PLXNA4: variants seen among roughly 807,000 people sequenced by gnomAD.
PLXNA4 encodes the protein plexin A4, also known as plexin-A4.
In PLXNA4, 44 loss-of-function variants were observed where a neutral mutation model predicts 191.8. The ratio of observed to expected loss-of-function variants is 0.23; its 90% CI spans 0.18 to 0.29. The LOEUF (loss-of-function observed/expected upper bound fraction) is 0.29, where lower values mean the gene tolerates loss of function less well. Among genes scored for constraint, PLXNA4 ranks in the 10% least tolerant of loss-of-function variants. The pLI, the probability that PLXNA4 is intolerant of heterozygous loss-of-function variation, is 1.00. For missense variants in PLXNA4, 1,800 were observed against 2,488.8 expected, an observed-to-expected ratio of 0.72 and a Z score of 5.89; for synonymous variants, 1,082 against 1,009.5, an observed-to-expected ratio of 1.07 and a Z score of -1.36.
intron 1 of PLXNA4, among the ~76,000 whole-genome samples, chr7:132,552,691 T>C (rs4731880): frequency 0.96 from 146,107 of 152,320 alleles, 70,285 homozygotes; most frequent in East Asian, 1. Flanking sequence ...TACTCCATTT[T>C]CTTCATCTGG....
At chr7:132,321,100 C>T (rs1802145255) in intron 3 of PLXNA4, among the ~76,000 whole-genome samples, 1 of 152,176 alleles carries the variant, frequency 6.6e-6, no homozygotes, top group African/African-American at 2.4e-5. Flanking sequence ...AGCTTCCCAG[C>T]ACTGTTTTTC....
chr7:132,525,997 G>A (rs977898577), intron 1 of PLXNA4, among the ~76,000 whole-genome samples: 1 of 152,198 alleles, frequency 6.6e-6, no homozygotes, highest in African/African-American at 2.4e-5. Context: ...ACTGTTCCAT[G>A]GTACACACCT....
intron 2 of PLXNA4, among the ~76,000 whole-genome samples, chr7:132,631,730 C>T (rs1012240275): frequency 1.3e-5 from 2 of 152,192 alleles, no homozygotes; most frequent in African/African-American, 4.8e-5. Context: ...CCTCACCCAC[C>T]TCTCCTCATT....
intron 9 of PLXNA4, among the ~76,000 whole-genome samples, chr7:132,222,783 T>G (rs540071032): frequency 6.6e-6 from 1 of 152,324 alleles, no homozygotes; most frequent in Admixed American, 6.5e-5. Context: ...GTATTTTTGG[T>G]ACAGTGAGGA....
At chr7:132,594,976 A>AG (rs1554475616) in intron 2 of PLXNA4, among the ~76,000 whole-genome samples, 18 of 109,584 alleles carry the variant, frequency 1.6e-4, no homozygotes, top group Admixed American at 1.9e-4. Context: ...ATTGATAGAT[A>AG]ATAGATAGAT....
At chr7:132,562,415 T>C in intron 1 of PLXNA4, among the ~76,000 whole-genome samples, 1 of 128,454 alleles carries the variant, frequency 7.8e-6, no homozygotes, top group Admixed American at 7.5e-5. Context: ...CTCCTTCTCC[T>C]CCTTCTCCTA....
chr7:132,232,315 G>T (rs1798551849), intron 5 of PLXNA4, among the ~76,000 whole-genome samples: 1 of 152,144 alleles, frequency 6.6e-6, no homozygotes, highest in South Asian at 2.1e-4. Flanking sequence ...CCATTTCCCA[G>T]GTAGGAAAAC....
chr7:132,204,417 C>T lies in PLXNA4; in HGVS notation c.2299-998G>A, dbSNP rs185833231. Among the ~76,000 whole-genome samples the T allele has an allele frequency of 2.0e-4, 30 of 152,306 alleles. 1 individual carries two copies. Among genetic ancestry groups the T allele is most frequent in the East Asian group, 7.7e-4 (4 of 5,184 alleles). On this transcript the variant is annotated intron_variant, in intron 10 of 31. Coordinates refer to ENST00000321063, the MANE Select transcript of PLXNA4 (RefSeq NM_020911.2). ...TCTCATTATTCCAGCCGACTCTGCT[C>T]GCCACAAGGGGCAGGATGGAAGAAT...
intron 6 of PLXNA4, 151 bp downstream of exon 6, chr7:132,228,195 T>A: frequency 1.0e-6 from 1 of 993,846 alleles, no homozygotes; most frequent in South Asian, 1.7e-5. Context: ...AGACACTTAA[T>A]TCTTTGATAT....
chr7:132,560,748 C>T (rs1450677870), intron 1 of PLXNA4, among the ~76,000 whole-genome samples: 2 of 152,134 alleles, frequency 1.3e-5, no homozygotes, highest in Admixed American at 1.3e-4. Flanking sequence ...GGCATCATCT[C>T]CCACCAGCTG....
chr7:132,514,262 A>G (rs1215583913), intron 1 of PLXNA4, among the ~76,000 whole-genome samples: 1 of 150,982 alleles, frequency 6.6e-6, no homozygotes, highest in South Asian at 2.1e-4. Context: ...CATGTTAGCC[A>G]GGATGGTCTC....
intron 2 of PLXNA4, among the ~76,000 whole-genome samples, chr7:132,502,600 C>A (rs1464075966): frequency 3.3e-5 from 5 of 152,204 alleles, no homozygotes; most frequent in Non-Finnish European, 5.9e-5. Flanking sequence ...GCACCAAGAA[C>A]TGCCCACCCC....
chr7:132,521,038 A>G (rs1019221906), intron 1 of PLXNA4, among the ~76,000 whole-genome samples: 1 of 152,158 alleles, frequency 6.6e-6, no homozygotes, highest in African/African-American at 2.4e-5. Flanking sequence ...TTGCTGGTCT[A>G]TATTCATGTA....
intron 2 of PLXNA4, among the ~76,000 whole-genome samples, chr7:132,609,897 A>G (rs1415352752): frequency 6.6e-6 from 1 of 152,180 alleles, no homozygotes; most frequent in Non-Finnish European, 1.5e-5. Flanking sequence ...TTTACCTTAT[A>G]TGGTGAAAAG....
intron 21 of PLXNA4, among the ~76,000 whole-genome samples, chr7:132,168,798 C>G (rs1465938961): frequency 6.6e-6 from 1 of 152,214 alleles, no homozygotes; most frequent in Non-Finnish European, 1.5e-5. Context: ...GAGAGCATCA[C>G]ATGGTTAGTA....
At chr7:132,498,388 G>A (rs1798113340) in intron 2 of PLXNA4, among the ~76,000 whole-genome samples, 1 of 152,126 alleles carries the variant, frequency 6.6e-6, no homozygotes, top group African/African-American at 2.4e-5. Flanking sequence ...GCAAGGAGGA[G>A]GAAGACAGGT....
At chr7:132,395,801 C>G (rs571897868) in intron 3 of PLXNA4, among the ~76,000 whole-genome samples, 2 of 152,378 alleles carry the variant, frequency 1.3e-5, no homozygotes, top group Non-Finnish European at 2.9e-5. Context: ...CCAGGATCCC[C>G]ATGGCCGGGA....
At chr7:132,576,665 A>G (rs1802255014), upstream of PLXNA4, 3 of 919,082 alleles carry the variant, frequency 3.3e-6, no homozygotes, top group South Asian at 5.0e-5. This position sits in a 1 kb window ranked among gnomAD's most constrained non-coding sequence, Gnocchi z 5.8. Context: ...GCGGCGTCCA[A>G]GGTGGGCGTA....
chr7:132,621,104 A>G (rs192581204), intron 2 of PLXNA4, among the ~76,000 whole-genome samples: 49 of 152,300 alleles, frequency 3.2e-4, no homozygotes, highest in African/African-American at 1.1e-3. Flanking sequence ...TAGGGCTTCA[A>G]CATATGAATT....
Sources: allele counts gnomAD v4.1 joint callset (sites outside exome capture counted in the v4.1 genomes callset), GRCh38; gene constraint gnomAD v4.1.1; non-coding constraint Gnocchi (gnomAD v3.1); transcripts MANE v1.5; gene names NCBI Gene and HGNC (gene_info 2026-07-23, HGNC 2026-07-21).